MYO3B: variants seen among roughly 807,000 people sequenced by gnomAD.
MYO3B encodes myosin-IIIb.
A neutral mutation model predicts 174.6 loss-of-function variants in MYO3B; 156 were observed. The observed-to-expected ratio is 0.89, with a 90% confidence interval of 0.78 to 1.02. The LOEUF is 1.02. MYO3B is among the 50% of genes least tolerant of loss of function. The pLI is 0.00. For missense variants in MYO3B, 1,632 were observed against 1,639.4 expected, an observed-to-expected ratio of 1.00 and a Z score of 0.08; for synonymous variants, 563 against 569.1, an observed-to-expected ratio of 0.99 and a Z score of 0.15.
At chr2:170,610,089 C>A (rs538314871) in intron 32 of MYO3B, among the ~76,000 whole-genome samples, 1 of 152,336 alleles carries the variant, frequency 6.6e-6, no homozygotes, top group East Asian at 1.9e-4. Context: ...GTAATCCCAG[C>A]ACTTTAGGAG....
At position 170,499,577 on chromosome 2, in the gene MYO3B, TATGCTGTAGTAGA is replaced by T. The variant is rs1318547255; in HGVS notation, c.3127-68_3127-56del. The T allele has an allele frequency of 1.6e-5, 22 of 1,356,868 alleles. No individual in the cohort carries two copies. The African/African-American group carries it at 1.7e-4, about 11-fold the overall frequency. 84.1% of individuals were successfully genotyped at this position (1,356,868 alleles called of 1,614,324 possible). A position where few individuals can be genotyped will look rare whatever the true frequency, so the allele number is the denominator to read the frequency against. On this transcript the variant is annotated intron_variant, in intron 26 of 34. Coordinates refer to ENST00000408978, the MANE Select transcript of MYO3B (RefSeq NM_138995.5). ...ATTGTTTTAATATTTTCATTTAGAA[TATGCTGTAGTAGA>T]GTGAATTTCTGTTGAGGAACCCATA... is the stretch of plus-strand genomic sequence containing the variant.
At chr2:170,329,683 C>T (rs891428151) in intron 7 of MYO3B, among the ~76,000 whole-genome samples, 6 of 152,070 alleles carry the variant, frequency 3.9e-5, no homozygotes, top group African/African-American at 1.4e-4. Context: ...GGTGAGCCAC[C>T]ATGCCCAGCC....
At chr2:170,609,560 A>T (rs190187843) in intron 32 of MYO3B, among the ~76,000 whole-genome samples, 5 of 152,354 alleles carry the variant, frequency 3.3e-5, no homozygotes, top group African/African-American at 9.6e-5. Context: ...ACTCATTTAA[A>T]TACAAGAACC....
intron 32 of MYO3B, among the ~76,000 whole-genome samples, chr2:170,604,048 T>C (rs1474950344): frequency 1.3e-5 from 2 of 152,218 alleles, no homozygotes; most frequent in African/African-American, 4.8e-5. Flanking sequence ...TTATACCATA[T>C]AGCTTAGGTG....
At chr2:170,337,941 T>C (rs1156365418) in intron 8 of MYO3B, 1 of 152,180 alleles carries the variant, frequency 6.6e-6, no homozygotes, top group Admixed American at 6.6e-5. Flanking sequence ...GAGGAGGGGT[T>C]GGTTCCGCTG....
intron 32 of MYO3B, among the ~76,000 whole-genome samples, chr2:170,612,520 A>G (rs1322623289): frequency 1.3e-5 from 2 of 152,160 alleles, no homozygotes; most frequent in East Asian, 1.9e-4. Context: ...ATCTTTGTTC[A>G]CTACCACATC....
Position 170,500,304 on chromosome 2 carries a change from G to A in MYO3B, c.3289+496G>A, listed in dbSNP as rs79822210. Among the ~76,000 whole-genome samples, 1,465 of 152,318 alleles carry A rather than the reference G, an allele frequency of 9.6e-3. 46 individuals are homozygous for A. Among genetic ancestry groups the A allele is most frequent in the East Asian group, 0.091 (473 of 5,182 alleles). ...TTTAAGGGAAGATTCAAAGGTTTAC[G>A]AGGGAAATGAATGGGCCTAAGGAAC... On this transcript the variant is annotated intron_variant, in intron 27 of 34. Coordinates refer to ENST00000408978, the MANE Select transcript of MYO3B (RefSeq NM_138995.5).
chr2:170,301,839 A>T (rs1039213147), intron 7 of MYO3B, among the ~76,000 whole-genome samples: 3 of 145,154 alleles, frequency 2.1e-5, no homozygotes, highest in Non-Finnish European at 4.5e-5. Context: ...ACAGGAAACG[A>T]GCGACATAGA....
chr2:170,617,488 G>C (rs1257759072), intron 32 of MYO3B, among the ~76,000 whole-genome samples: 1 of 152,162 alleles, frequency 6.6e-6, no homozygotes, highest in Admixed American at 6.5e-5. Context: ...GTATAGTTTT[G>C]TTGGACTCCA....
intron 32 of MYO3B, among the ~76,000 whole-genome samples, chr2:170,560,813 T>C (rs2106251523): frequency 6.6e-6 from 1 of 152,358 alleles, no homozygotes; most frequent in East Asian, 1.9e-4. Context: ...GTTTCTGCTC[T>C]TAACTGATTT....
At position 170,462,123 on chromosome 2, in the gene MYO3B, C is replaced by G. The variant is rs75650640; in HGVS notation, c.2731-1245C>G. ...TCTTTGTTCCCTCTTCTTTCTAAAC[C>G]CAGGATCTTTCCTTTCCTCCTTTCC... On this transcript the variant is annotated intron_variant, in intron 23 of 34. Coordinates refer to ENST00000408978, the MANE Select transcript of MYO3B (RefSeq NM_138995.5). Among the ~76,000 whole-genome samples the G allele has an allele frequency of 3.2e-4, 49 of 152,284 alleles. 3 individuals carry two copies. In the East Asian group the frequency reaches 9.3e-3, roughly 29 times the overall value.
At chr2:170,489,634 G>GGTGT (rs369174830) in intron 25 of MYO3B, among the ~76,000 whole-genome samples, 4,415 of 139,346 alleles carry the variant, frequency 0.032, 105 homozygotes, top group African/African-American at 0.057. Flanking sequence ...AACCAGTAGG[G>GGTGT]GTGTGTGTGT....
Position 170,526,988 on chromosome 2 carries a change from A to T in MYO3B, c.3575+7448A>T, listed in dbSNP as rs539105743. On this transcript the variant is annotated intron_variant, in intron 30 of 34. Coordinates refer to ENST00000408978, the MANE Select transcript of MYO3B (RefSeq NM_138995.5). ...TTGGAACTCTTTGGTGGTTTTCAACATGTCTTTTGTTTTCATATTCTGTAT... is the reference window on the plus strand; with the variant it reads ...TTGGAACTCTTTGGTGGTTTTCAACTTGTCTTTTGTTTTCATATTCTGTAT... 6.6e-5 allele frequency among the ~76,000 whole-genome samples: 10 copies of T among 152,318 alleles called. No individual in the cohort carries two copies. In the South Asian group the frequency reaches 2.1e-3, roughly 32 times the overall value.
intron 22 of MYO3B, among the ~76,000 whole-genome samples, chr2:170,422,735 T>A (rs1169017542): frequency 6.6e-6 from 1 of 151,990 alleles, no homozygotes; most frequent in Admixed American, 6.6e-5. Flanking sequence ...GGATTACAGG[T>A]ATGAGCCACC....
chr2:170,280,093 G>C lies in MYO3B; in HGVS notation c.749+43957G>C, dbSNP rs149513934. On this transcript the variant is annotated intron_variant, in intron 7 of 34. Transcript: ENST00000408978. ...TTACACTCCCACCAACAGTGTATAAGTGTTTTGTTTTCTCCACAACCTTGC... is the reference window on the plus strand; with the variant it reads ...TTACACTCCCACCAACAGTGTATAACTGTTTTGTTTTCTCCACAACCTTGC... Among the ~76,000 whole-genome samples, 695 of 152,272 alleles carry C rather than the reference G, an allele frequency of 4.6e-3. 8 individuals carry two copies. The highest frequency in any genetic ancestry group is 0.016 in the African/African-American group (658 of 41,574).
chr2:170,346,661 G>A (rs2094018715), intron 8 of MYO3B, among the ~76,000 whole-genome samples: 1 of 152,168 alleles, frequency 6.6e-6, no homozygotes, highest in Admixed American at 6.5e-5. Flanking sequence ...AGTAGTAAAA[G>A]TGGGGAATTT....
At chr2:170,244,538 G>T (rs1466027898) in intron 7 of MYO3B, among the ~76,000 whole-genome samples, 2 of 152,170 alleles carry the variant, frequency 1.3e-5, no homozygotes, top group African/African-American at 4.8e-5. Flanking sequence ...AGTGCTCTTA[G>T]AATTCTGGAG....
chr2:170,293,290 G>A (rs2093607887), intron 7 of MYO3B, among the ~76,000 whole-genome samples: 1 of 152,052 alleles, frequency 6.6e-6, no homozygotes, highest in Admixed American at 6.6e-5. Flanking sequence ...TAAAAGTTTG[G>A]CACATTAGAA....
At chr2:170,615,935 A>AACATTTGTATGTAGAAGTACAGT (rs1401977923) in intron 32 of MYO3B, among the ~76,000 whole-genome samples, 10 of 152,340 alleles carry the variant, frequency 6.6e-5, no homozygotes, top group African/African-American at 1.9e-4. Flanking sequence ...TCTTTCACAT[A>AACATTTGTATGTAGAAGTACAGT]ACATTTGTAT....
Sources: allele counts gnomAD v4.1 joint callset (sites outside exome capture counted in the v4.1 genomes callset), GRCh38; gene constraint gnomAD v4.1.1; transcripts MANE v1.5; gene names NCBI Gene and HGNC (gene_info 2026-07-23, HGNC 2026-07-21).